The following SMC4 variants were observed in gnomAD, a reference collection of about 807,000 sequenced individuals.
SMC4 encodes structural maintenance of chromosomes protein 4.
A neutral mutation model predicts 145.6 loss-of-function variants in SMC4; 87 were observed. The ratio of observed to expected loss-of-function variants is 0.60; its 90% confidence interval spans 0.50 to 0.71. The LOEUF is 0.71. Among genes scored for constraint, SMC4 ranks in the 30% least tolerant of loss-of-function variants. The pLI is 0.00. For synonymous variants in SMC4, 558 were observed against 500.7 expected (o/e 1.11, Z -1.53); for missense variants, 1,447 against 1,537.1 (o/e 0.94, Z 0.98).
At chr3:160,409,095 T>C (rs1201629433) in intron 5 of SMC4, among the ~76,000 whole-genome samples, 1 of 143,794 alleles carries the variant, frequency 7.0e-6, no homozygotes, top group Non-Finnish European at 1.6e-5. Flanking sequence ...TGAAACCCCG[T>C]CTCTACTAAA....
chr3:160,410,207 G>C (rs1015889759), intron 5 of SMC4, among the ~76,000 whole-genome samples: 4 of 152,296 alleles, frequency 2.6e-5, no homozygotes, highest in African/African-American at 9.6e-5. Flanking sequence ...GTTATAGCTG[G>C]TAGAAGTGGG....
intron 12 of SMC4, 30 bp from the exon 13 acceptor site, chr3:160,420,710 C>G: frequency 6.2e-7 from 1 of 1,603,342 alleles, no homozygotes; most frequent in Admixed American, 1.8e-5. Context: ...TTCTGCCTAA[C>G]TCTTTTTTCA....
At chr3:160,421,923 T>C (rs1717225615) in intron 13 of SMC4, among the ~76,000 whole-genome samples, 1 of 152,196 alleles carries the variant, frequency 6.6e-6, no homozygotes, top group South Asian at 2.1e-4. Flanking sequence ...ACTAACTACT[T>C]TTTTGTTTCT....
At chr3:160,424,819 A>T in intron 15 of SMC4, 48 bp from the exon 16 acceptor site, 1 of 1,605,842 alleles carries the variant, frequency 6.2e-7, no homozygotes, top group Non-Finnish European at 8.5e-7. Context: ...TCGTAAGTTG[A>T]CTTTTCTGTC....
At chr3:160,416,137 T>C (rs1716552084) in intron 9 of SMC4, 114 bp from the exon 10 acceptor site, 2 of 609,274 alleles carry the variant, frequency 3.3e-6, no homozygotes, top group Admixed American at 3.7e-5. Context: ...TAACTCTGAT[T>C]ATAAAGAAAA....
intron 3 of SMC4, among the ~76,000 whole-genome samples, chr3:160,402,295 C>T (rs1714783799): frequency 6.6e-6 from 1 of 152,070 alleles, no homozygotes; most frequent in Non-Finnish European, 1.5e-5. Context: ...TTTTGTTTAT[C>T]TGGTTATCTT....
chr3:160,423,841 G>A lies in SMC4; in HGVS notation c.2325+1G>A, dbSNP rs1332571282. The stretch of plus-strand genomic sequence containing the variant: ...TGTTATTGAAATCTCTGAAGAAGAG[G>A]TCAGCATATCTAAAATTGTATCCAG... On this transcript the variant is annotated splice_donor_variant, in intron 15 of 23. Coordinates refer to ENST00000357388, the MANE Select transcript of SMC4 (RefSeq NM_001002800.3). LOFTEE classifies it high-confidence loss of function. 7.5e-6 allele frequency: 12 copies of A among 1,603,534 alleles called. No individual in the cohort carries two copies. The highest frequency in any genetic ancestry group is 1.0e-5 in the Non-Finnish European group (12 of 1,175,674).
chr3:160,406,843 A>G (rs1404378057), intron 5 of SMC4, among the ~76,000 whole-genome samples: 2 of 152,198 alleles, frequency 1.3e-5, no homozygotes, highest in Non-Finnish European at 2.9e-5. Flanking sequence ...GCACTATGCT[A>G]AAATGCTGTA....
intron 17 of SMC4, among the ~76,000 whole-genome samples, chr3:160,426,453 G>A (rs1016054867): frequency 3.3e-5 from 5 of 152,148 alleles, no homozygotes; most frequent in Non-Finnish European, 1.5e-5. Flanking sequence ...TGCTTTTAAT[G>A]TCATACTTTG....
chr3:160,426,212 G>A lies in SMC4; in HGVS notation c.2605+12G>A. The A allele has an allele frequency of 6.3e-7, 1 of 1,575,054 alleles. No individual in the cohort carries two copies. Among genetic ancestry groups the A allele is most frequent in the Admixed American group, 2.0e-5 (1 of 48,828 alleles). On this transcript the variant is annotated intron_variant, in intron 17 of 23. Coordinates refer to ENST00000357388, the MANE Select transcript of SMC4 (RefSeq NM_001002800.3). The stretch of plus-strand genomic sequence containing the variant: ...TGCTTTCAAAACAGGTATGTTTAGA[G>A]ATAGACCTTTTTTGGGGGGAAAAAA...
chr3:160,402,121 A>T (rs773850879), intron 3 of SMC4, 28 bp downstream of exon 3: 1 of 1,396,570 alleles, frequency 7.2e-7, no homozygotes, highest in Non-Finnish European at 9.6e-7. Flanking sequence ...ACTATTTTAT[A>T]ACTTTTTAAA....
chr3:160,426,395 A>C (rs1213815804), intron 17 of SMC4, among the ~76,000 whole-genome samples, 195 bp downstream of exon 17: 4 of 152,200 alleles, frequency 2.6e-5, no homozygotes, highest in East Asian at 1.9e-4. Context: ...CATTTGCCTA[A>C]GGTCACACAG....
intron 2 of SMC4, among the ~76,000 whole-genome samples, chr3:160,401,631 T>G (rs965282227): frequency 2.6e-5 from 4 of 152,190 alleles, no homozygotes; most frequent in Admixed American, 6.5e-5. Flanking sequence ...TATGATGTAG[T>G]GTTTTGACTC....
intron 20 of SMC4, among the ~76,000 whole-genome samples, 177 bp downstream of exon 20, chr3:160,431,382 T>A (rs1321943615): frequency 6.6e-6 from 1 of 152,166 alleles, no homozygotes; most frequent in Non-Finnish European, 1.5e-5. Flanking sequence ...TAAATTGTTA[T>A]ATACAGAAAA....
intron 17 of SMC4, among the ~76,000 whole-genome samples, chr3:160,427,904 T>C (rs899822706): frequency 2.3e-4 from 35 of 152,154 alleles, no homozygotes; most frequent in African/African-American, 8.0e-4. Flanking sequence ...CTGGCCAACA[T>C]GGTGAAACCC....
At chr3:160,416,441 T>A in intron 10 of SMC4, 26 bp downstream of exon 10, 1 of 1,382,576 alleles carries the variant, frequency 7.2e-7, no homozygotes, top group Non-Finnish European at 9.6e-7. Flanking sequence ...TTATCAGTGT[T>A]TATTTTGGTG....
At position 160,431,651 on chromosome 3, in the gene SMC4, A is replaced by G. The variant is rs372707999; in HGVS notation, c.3123A>G (p.Lys1041=). 10 of 1,574,750 alleles carry G rather than the reference A, an allele frequency of 6.4e-6. No individual in the cohort carries two copies. The African/African-American group carries it at 1.4e-4, about 22-fold the overall frequency. ...KIKYWHKEIS[K]ISLHPIEDNP... ...CTAAATTGAACTTTTAGATTTCAAA[A>G]ATATCACTGCATCCTATAGAAGATA... The change falls in exon 21 of 24, where the codon AAA becomes AAG. Residue 1041 remains lysine, a synonymous_variant. Transcript: ENST00000357388.
rs1718748006 is a variant in SMC4, at chr3:160,434,301, T to G, written c.*492T>G. 1 of 152,368 alleles carries G rather than the reference T, an allele frequency of 6.6e-6. No individual in the cohort carries two copies. The highest frequency in any genetic ancestry group is 1.5e-5 in the Non-Finnish European group (1 of 68,144). The allele number at this position is 152,368 out of a possible 1,614,324, so 9.4% of individuals were successfully genotyped here. ...CATTCTGAATTATAGTGATGAGAATTTAAATATATGCTTTTCTAGAATTTG... is the reference window on the plus strand; with the variant it reads ...CATTCTGAATTATAGTGATGAGAATGTAAATATATGCTTTTCTAGAATTTG... On this transcript the variant is annotated 3_prime_UTR_variant, in exon 24 of 24. Transcript: ENST00000357388.
At chr3:160,431,937 C>T in intron 21 of SMC4, 112 bp downstream of exon 21, 1 of 1,141,432 alleles carries the variant, frequency 8.8e-7, no homozygotes, top group Non-Finnish European at 1.2e-6. Flanking sequence ...CGTGGTGGCT[C>T]ACGCCTGTAA....
Sources: allele counts gnomAD v4.1 joint callset (sites outside exome capture counted in the v4.1 genomes callset), GRCh38; gene constraint gnomAD v4.1.1; transcripts MANE v1.5; gene names NCBI Gene and HGNC (gene_info 2026-07-23, HGNC 2026-07-21).